The following ZC3H13 variants were observed in gnomAD, a reference collection of about 807,000 sequenced individuals.
ZC3H13 encodes the protein zinc finger CCCH domain-containing protein 13.
ZC3H13 carries 64 observed loss-of-function variants against 204.1 expected under a neutral mutation model. The observed-to-expected ratio is 0.31, with a 90% CI of 0.26 to 0.39. ZC3H13 has a LOEUF of 0.39. ZC3H13 is among the 10% of genes least tolerant of loss of function. The probability of loss-of-function intolerance (pLI) is 1.00; values close to 1 mark genes in which losing one functional copy is unlikely to be tolerated. For missense variants in ZC3H13, 1,833 were observed against 2,082.7 expected (o/e 0.88, Z 2.33); for synonymous variants, 667 against 693.7 (o/e 0.96, Z 0.60).
At chr13:46,000,326 A>C (rs976446637) in intron 8 of ZC3H13, among the ~76,000 whole-genome samples, 1 of 152,198 alleles carries the variant, frequency 6.6e-6, no homozygotes, top group East Asian at 1.9e-4. Context: ...AGTGTGGCCA[A>C]CATCAATTAT....
intron 16 of ZC3H13, among the ~76,000 whole-genome samples, chr13:45,964,447 C>A (rs1951923024): frequency 6.6e-6 from 1 of 152,178 alleles, no homozygotes; most frequent in African/African-American, 2.4e-5. Flanking sequence ...TTAAAAACAA[C>A]TATTTCATTA....
rs1227836319 is a variant in ZC3H13 at position 45,985,691 on chromosome 13, A to C, written c.1326T>G (p.Ser442=). 1 of 1,613,808 alleles carries C rather than the reference A, an allele frequency of 6.2e-7. No individual in the cohort carries two copies. The highest frequency in any genetic ancestry group is 1.3e-5 in the African/African-American group (1 of 74,832). Residue 442 remains serine (S), a synonymous_variant, in exon 10 of 19, where the codon TCT becomes TCG. Transcript: ENST00000679008. ...EEREYEQDQS[S]SRDHRDDREP... is the part of the protein sequence containing the mutation. The stretch of plus-strand genomic sequence containing the variant: ...CTCTGTCATCTCTGTGGTCTCTAGA[A>C]GAGCTCTGATCCTGTTCATATTCTC...
At position 45,995,938 on chromosome 13, in the gene ZC3H13, G is replaced by A. The variant is rs145997711; in HGVS notation, c.945-6841C>T. ...GTTGGAATGATTGTGTTTTTAGTTA[G>A]CTATGCTCTGAGTACTATTTTTTCA... On this transcript the variant is annotated intron_variant, in intron 8 of 18. Transcript: ENST00000679008. Among the ~76,000 whole-genome samples the A allele has an allele frequency of 9.0e-4, 137 of 152,272 alleles. 1 individual carries two copies. The highest frequency in any genetic ancestry group is 3.3e-3 in the African/African-American group (136 of 41,552).
intron 8 of ZC3H13, among the ~76,000 whole-genome samples, chr13:46,001,867 T>C (rs752952675): frequency 1.1e-4 from 17 of 151,788 alleles, no homozygotes; most frequent in Non-Finnish European, 2.2e-4. Flanking sequence ...ATATAGAGTA[T>C]AGTCTAAGAA....
intron 8 of ZC3H13, among the ~76,000 whole-genome samples, chr13:45,991,987 A>G (rs1240645805): frequency 6.6e-6 from 1 of 152,226 alleles, no homozygotes; most frequent in Non-Finnish European, 1.5e-5. Context: ...TTACTTAAAA[A>G]TAGTAACACC....
chr13:46,039,292 C>T (rs774988491), intron 4 of ZC3H13, among the ~76,000 whole-genome samples: 1 of 152,176 alleles, frequency 6.6e-6, no homozygotes, highest in Non-Finnish European at 1.5e-5. Flanking sequence ...AACACACTTA[C>T]ATTCAGTTAA....
rs368755713 is a variant in ZC3H13, at chr13:45,967,931, C to T, written c.3894G>A (p.Arg1298=). Residue 1298 remains arginine, a synonymous_variant, in exon 15 of 19, where the codon AGG becomes AGA. Coordinates refer to ENST00000679008, the MANE Select transcript of ZC3H13 (RefSeq NM_001330564.2). ...SRSGSFDSRD[R]LQERDRYEHD... is the part of the protein sequence containing the mutation. Reference sequence around the variant, plus strand: ...GTTCATATCGATCTCGTTCTTGAAGCCTGTCTCTGCTATCAAATGACCCAG... The same window carrying T: ...GTTCATATCGATCTCGTTCTTGAAGTCTGTCTCTGCTATCAAATGACCCAG... The T allele has an allele frequency of 1.8e-5, 29 of 1,613,908 alleles. No individual in the cohort carries two copies. The African/African-American group carries it at 3.9e-4, about 22-fold the overall frequency.
chr13:46,052,077 AT>A (rs2044488441), intron 1 of ZC3H13: 1 of 153,428 alleles, frequency 6.5e-6, no homozygotes, highest in African/African-American at 2.4e-5. Context: ...AAGATTCTAA[AT>A]TTAAGCCCAA....
At chr13:45,963,599 A>G (rs1951848686) in intron 17 of ZC3H13, 1 of 1,277,402 alleles carries the variant, frequency 7.8e-7, no homozygotes, top group Non-Finnish European at 9.9e-7. Flanking sequence ...GTTAATAAGT[A>G]ATTTTCATAC....
At chr13:45,968,567 GT>G (rs1319694595) in intron 14 of ZC3H13, among the ~76,000 whole-genome samples, 180 bp downstream of exon 14, 1 of 151,990 alleles carries the variant, frequency 6.6e-6, no homozygotes, top group Non-Finnish European at 1.5e-5. Flanking sequence ...CTATTATAAT[GT>G]TGGTATTAAT....
chr13:46,035,014 C>T (rs2043127041), intron 4 of ZC3H13, among the ~76,000 whole-genome samples: 1 of 152,146 alleles, frequency 6.6e-6, no homozygotes, highest in South Asian at 2.1e-4. Context: ...ACAGCTAACG[C>T]CCAGGTTTTG....
rs1952971503 is a variant in ZC3H13 at position 45,975,606 on chromosome 13, C to T, written c.2145G>A (p.Arg715=). The part of the protein sequence containing the change: ...RELERERARE[R]EREREKERDR... ...CTCTCTCTTTTTCTCTTTCTCTCTCCCGTTCCCTAGCACGCTCTCTTTCTA... is the reference window on the plus strand; with the variant it reads ...CTCTCTCTTTTTCTCTTTCTCTCTCTCGTTCCCTAGCACGCTCTCTTTCTA... The change falls in exon 12 of 19, where the codon CGG becomes CGA. Residue 715 remains arginine (R), a synonymous_variant. Transcript: ENST00000679008. 2 of 1,569,726 alleles carry T rather than the reference C, an allele frequency of 1.3e-6. No individual in the cohort carries two copies. The highest frequency in any genetic ancestry group is 1.7e-6 in the Non-Finnish European group (2 of 1,157,066).
At chr13:46,013,888 G>A (rs568271068) in intron 5 of ZC3H13, among the ~76,000 whole-genome samples, 1 of 152,124 alleles carries the variant, frequency 6.6e-6, no homozygotes, top group East Asian at 1.9e-4. Flanking sequence ...TCTATATAAA[G>A]AATTCTTACT....
intron 7 of ZC3H13, among the ~76,000 whole-genome samples, chr13:46,008,849 C>T (rs950731192): frequency 5.9e-5 from 9 of 152,026 alleles, no homozygotes; most frequent in Admixed American, 6.6e-5. Context: ...CTTTACTGAG[C>T]GCCTTATTAA....
chr13:46,002,935 G>A (rs2040855282), intron 8 of ZC3H13, among the ~76,000 whole-genome samples: 1 of 151,794 alleles, frequency 6.6e-6, no homozygotes, highest in Non-Finnish European at 1.5e-5. Flanking sequence ...ATAAAAAATT[G>A]AAAAATAAAT....
At chr13:45,970,000 C>T in intron 13 of ZC3H13, 29 bp from the exon 14 acceptor site, 13 of 1,574,178 alleles carry the variant, frequency 8.3e-6, no homozygotes, top group Non-Finnish European at 1.1e-5. Flanking sequence ...CAATCACACT[C>T]TCACCAGGTT....
intron 17 of ZC3H13, among the ~76,000 whole-genome samples, 166 bp from the exon 18 acceptor site, chr13:45,959,812 C>A (rs1400344710): frequency 6.6e-6 from 1 of 152,004 alleles, no homozygotes; most frequent in Admixed American, 6.6e-5. Context: ...ACCTTCAACA[C>A]GTAGTTATGT....
Position 46,003,178 on chromosome 13 carries a change from C to A in ZC3H13, c.905G>T (p.Arg302Leu), listed in dbSNP as rs747561633. 1.2e-6 allele frequency: 2 copies of A among 1,612,330 alleles called. No individual in the cohort carries two copies. The highest frequency in any genetic ancestry group is 1.7e-5 in the Admixed American group (1 of 59,840). The change falls in exon 8 of 19, where the codon CGA (arginine) becomes CTA (leucine). Residue 302 changes from arginine to leucine, a missense_variant. Around this residue, in one of 5 missense-constraint regions of ZC3H13, gnomAD observed 1,574 missense variants for 1,757.2 expected, o/e 0.90. Transcript: ENST00000679008. ...EKTRDGKDRG[R>L]DFERQREKRD... is the part of the protein sequence containing the mutation. ...CTTTTCTCTTTGTCGTTCAAAATCT[C>A]GTCCTCTGTCCTTTCCATCTCTTGT...
intron 17 of ZC3H13, chr13:45,962,029 C>A: frequency 5.9e-6 from 2 of 338,282 alleles, no homozygotes; most frequent in Non-Finnish European, 4.2e-6. Flanking sequence ...ATTATGTTTT[C>A]TTTCATGTTG....
Sources: gnomAD v4.1 joint callset for allele counts (sites outside exome capture counted in the v4.1 genomes callset) on GRCh38, gnomAD v4.1.1 for gene constraint, gnomAD v4.1.1 regional missense constraint, MANE v1.5 for transcripts, NCBI Gene and HGNC (gene_info 2026-07-23, HGNC 2026-07-21) for gene names.